The following MMRN1 variants were observed in gnomAD, a reference collection of about 807,000 sequenced individuals.
The protein encoded by MMRN1 is multimerin-1.
Under a neutral mutation model 100.7 loss-of-function variants are expected in MMRN1, and 94 were observed. The observed-to-expected ratio is 0.93, with a 90% CI of 0.79 to 1.11. The LOEUF is 1.11. Among genes scored for constraint, MMRN1 ranks in the 50% least tolerant of loss-of-function variants. MMRN1 has a pLI of 0.00. For synonymous variants in MMRN1, 575 were observed against 505.0 expected, an observed-to-expected ratio of 1.14 and a Z score of -1.86; for missense variants, 1,606 against 1,439.1, an observed-to-expected ratio of 1.12 and a Z score of -1.88.
At chr4:89,924,471 T>A (rs1451170511) in intron 4 of MMRN1, among the ~76,000 whole-genome samples, 1 of 151,992 alleles carries the variant, frequency 6.6e-6, no homozygotes, top group African/African-American at 2.4e-5. Context: ...GCAAATATAG[T>A]TTGTTTGAAT....
At chr4:89,950,810 T>G (rs1444556693) in intron 6 of MMRN1, among the ~76,000 whole-genome samples, 1 of 152,092 alleles carries the variant, frequency 6.6e-6, no homozygotes, top group East Asian at 1.9e-4. Flanking sequence ...CCTCTTGCCT[T>G]GGCCTCCTGA....
chr4:89,905,931 A>G (rs1721552240), intron 1 of MMRN1, among the ~76,000 whole-genome samples: 1 of 151,596 alleles, frequency 6.6e-6, no homozygotes, highest in African/African-American at 2.4e-5. Flanking sequence ...TTTGAATTAG[A>G]TGACAAGCAA....
rs769982842 is a variant in MMRN1, at chr4:89,895,215, A to C, written c.244A>C (p.Thr82Pro). The C allele has an allele frequency of 1.1e-5, 17 of 1,613,678 alleles. No homozygotes were observed. In the Middle Eastern group the frequency reaches 4.9e-4, roughly 47 times the overall value. ...TTCTGAAGACAGTCTTCTTAAATCA[A>C]CACTGCCTCCCTCAGAAACAAGTGC... The part of the protein sequence containing the change: ...RTSEDSLLKS[T>P]LPPSETSAPA... The change falls in exon 1 of 8, where the codon ACA (threonine) becomes CCA (proline). Residue 82 changes from threonine (T) to proline (P), a missense_variant. Physicochemically the swap from Thr to Pro is conservative, Grantham distance 38. Coordinates refer to ENST00000264790, the MANE Select transcript of MMRN1 (RefSeq NM_007351.3).
At position 89,927,818 on chromosome 4, in the gene MMRN1, C is replaced by T; in HGVS notation, c.979C>T (p.Gln327Ter). The T allele has an allele frequency of 1.2e-6, 2 of 1,610,774 alleles. No individual in the cohort carries two copies. Among genetic ancestry groups the T allele is most frequent in the Non-Finnish European group, 1.7e-6 (2 of 1,178,816 alleles). The change falls in exon 5 of 8, where the codon CAG becomes TAG. Residue 327 changes from glutamine (Q) to a stop codon, truncating the protein, a stop_gained. Coordinates refer to ENST00000264790, the MANE Select transcript of MMRN1 (RefSeq NM_007351.3). LOFTEE classifies it high-confidence loss of function. ...DPEVMQKMTD[Q>*]VNYQAMKLTL... ...AGAAGTGATGCAAAAAATGACTGAT[C>T]AGGTGAACTACCAGGCAATGAAACT...
intron 6 of MMRN1, among the ~76,000 whole-genome samples, chr4:89,949,827 G>A (rs1723104954): frequency 6.6e-6 from 1 of 152,052 alleles, no homozygotes; most frequent in Non-Finnish European, 1.5e-5. Flanking sequence ...AATTTCAATT[G>A]TATGGCTATG....
intron 1 of MMRN1, among the ~76,000 whole-genome samples, chr4:89,879,944 G>A (rs1016273264): frequency 3.9e-5 from 6 of 152,132 alleles, no homozygotes; most frequent in Admixed American, 2.0e-4. Flanking sequence ...ACTTTGTACT[G>A]TGGAACTGTT....
At chr4:89,946,026 T>C (rs1722974944) in intron 6 of MMRN1, among the ~76,000 whole-genome samples, 1 of 152,196 alleles carries the variant, frequency 6.6e-6, no homozygotes, top group Non-Finnish European at 1.5e-5. Context: ...TAAATGTTAG[T>C]ATTCCTAGAA....
At chr4:89,925,877 A>G (rs1475040369) in intron 4 of MMRN1, among the ~76,000 whole-genome samples, 1 of 152,152 alleles carries the variant, frequency 6.6e-6, no homozygotes, top group African/African-American at 2.4e-5. Flanking sequence ...CCACAAATAC[A>G]TGAGAACATG....
chr4:89,900,497 C>G (rs988048505), intron 1 of MMRN1, among the ~76,000 whole-genome samples: 4 of 152,098 alleles, frequency 2.6e-5, no homozygotes, highest in Admixed American at 2.6e-4. Context: ...TAACTATGCT[C>G]TCACTTGCCA....
chr4:89,933,807 A>T (rs1722519332), intron 5 of MMRN1, among the ~76,000 whole-genome samples: 1 of 152,176 alleles, frequency 6.6e-6, no homozygotes, highest in Non-Finnish European at 1.5e-5. Flanking sequence ...TTGGGTGGGG[A>T]CACAGCCAAA....
chr4:89,910,268 C>A (rs1721706122), intron 2 of MMRN1, among the ~76,000 whole-genome samples: 1 of 151,380 alleles, frequency 6.6e-6, no homozygotes, highest in East Asian at 1.9e-4. Flanking sequence ...CCCTCACTCT[C>A]TTTGTGACAA....
At chr4:89,913,877 T>G (rs761104583) in intron 3 of MMRN1, among the ~76,000 whole-genome samples, 1 of 151,436 alleles carries the variant, frequency 6.6e-6, no homozygotes, top group Non-Finnish European at 1.5e-5. Flanking sequence ...ATGGGAATAA[T>G]GTTCCAATGG....
At chr4:89,905,195 T>G (rs949507247) in intron 1 of MMRN1, among the ~76,000 whole-genome samples, 1 of 151,602 alleles carries the variant, frequency 6.6e-6, no homozygotes, top group Admixed American at 6.6e-5. Flanking sequence ...ACTTCAGGAG[T>G]TTAGTGTAAA....
At chr4:89,892,206 A>C (rs1322234321), upstream of MMRN1, among the ~76,000 whole-genome samples, 3 of 151,822 alleles carry the variant, frequency 2.0e-5, no homozygotes, top group East Asian at 5.8e-4. Flanking sequence ...TAATATAATA[A>C]ATTTCATGAT....
chr4:89,938,235 A>C (rs1279736666), intron 6 of MMRN1, among the ~76,000 whole-genome samples: 1 of 151,538 alleles, frequency 6.6e-6, no homozygotes, highest in African/African-American at 2.4e-5. Context: ...AATCTGACCT[A>C]ATAGAACTAA....
intron 1 of MMRN1, among the ~76,000 whole-genome samples, 187 bp downstream of exon 1, chr4:89,895,781 A>G (rs1005154759): frequency 5.9e-5 from 9 of 152,164 alleles, no homozygotes; most frequent in African/African-American, 2.2e-4. Flanking sequence ...ATGAAGAAAT[A>G]AAATGCAGCA....
intron 1 of MMRN1, among the ~76,000 whole-genome samples, chr4:89,896,815 A>G (rs567721272): frequency 2.0e-5 from 3 of 152,196 alleles, no homozygotes; most frequent in Non-Finnish European, 2.9e-5. Context: ...ATTTTTCACT[A>G]TATTTCAAAA....
intron 3 of MMRN1, among the ~76,000 whole-genome samples, chr4:89,918,244 T>C (rs1412472353): frequency 6.6e-6 from 1 of 151,508 alleles, no homozygotes; most frequent in Non-Finnish European, 1.5e-5. Flanking sequence ...ATACTATCTT[T>C]GATCAGTTTT....
chr4:89,943,851 G>A (rs1174877009), intron 6 of MMRN1, among the ~76,000 whole-genome samples: 1 of 151,998 alleles, frequency 6.6e-6, no homozygotes, highest in African/African-American at 2.4e-5. Context: ...TTAGCCAGGT[G>A]TAGTGGCACG....
Sources: allele counts gnomAD v4.1 joint callset (sites outside exome capture counted in the v4.1 genomes callset), GRCh38; gene constraint gnomAD v4.1.1; transcripts MANE v1.5; gene names NCBI Gene and HGNC (gene_info 2026-07-23, HGNC 2026-07-21).